RCC1L: variants seen among roughly 807,000 people sequenced by gnomAD.
The protein encoded by RCC1L is RCC1-like G exchanging factor-like protein.
In RCC1L, 46 loss-of-function variants were observed where a neutral mutation model predicts 58.6. The ratio of observed to expected loss-of-function variants is 0.79; its 90% CI spans 0.62 to 1.00. The LOEUF is 1.00. Among genes scored for constraint, RCC1L ranks in the 50% least tolerant of loss-of-function variants. The pLI is 0.00. For missense variants in RCC1L, 636 were observed against 623.6 expected (o/e 1.02, Z -0.21); for synonymous variants, 281 against 262.9 (o/e 1.07, Z -0.67).
Position 75,073,568 on chromosome 7 carries a change from CG to C in RCC1L, c.169del (p.Arg57AlafsTer133). The part of the protein sequence containing the change: ...VVQYVGERAA[R>X]ADRVFVWGFS... The stretch of plus-strand genomic sequence containing the variant: ...GCCCCACACGAAGACGCGATCGGCG[CG>C]GGCAGCGCGCTCGCCCACGTACTGG... On this transcript the variant is annotated frameshift_variant, in exon 1 of 11. Coordinates refer to ENST00000610322, the MANE Select transcript of RCC1L (RefSeq NM_030798.5). LOFTEE classifies it high-confidence loss of function. 1 of 1,510,196 alleles carries C rather than the reference CG, an allele frequency of 6.6e-7. No individual in the cohort carries two copies. 93.5% of individuals were successfully genotyped at this position (1,510,196 alleles called of 1,614,324 possible). A position where few individuals can be genotyped will look rare whatever the true frequency, so the allele number is the denominator to read the frequency against.
intron 4 of RCC1L, 122 bp from the exon 5 acceptor site, chr7:75,063,465 TA>T: frequency 9.4e-7 from 1 of 1,069,094 alleles, no homozygotes; most frequent in Non-Finnish European, 1.5e-6. Context: ...ACTGTTGGGG[TA>T]ACTCTCAAGG....
At chr7:75,031,310 A>AC (rs1417102429) in intron 10 of RCC1L, among the ~76,000 whole-genome samples, 1 of 152,132 alleles carries the variant, frequency 6.6e-6, no homozygotes, top group Non-Finnish European at 1.5e-5. Flanking sequence ...CAGCAGCAGC[A>AC]GCGGCGTTCC....
At chr7:75,059,432 G>A (rs906938767) in intron 6 of RCC1L, among the ~76,000 whole-genome samples, 1 of 151,578 alleles carries the variant, frequency 6.6e-6, no homozygotes, top group African/African-American at 2.4e-5. Flanking sequence ...CACCACAGCC[G>A]GCTAATTTTT....
At position 75,070,463 on chromosome 7, in the gene RCC1L, C is replaced by T. The variant is rs1041421659; in HGVS notation, c.454+177G>A. 1.3e-4 allele frequency among the ~76,000 whole-genome samples: 20 copies of T among 152,020 alleles called. 1 individual carries two copies. Among genetic ancestry groups the T allele is most frequent in the Admixed American group, 9.9e-4 (15 of 15,226 alleles). ...GCATGTGCCTGTAATCCCAGCTACT[C>T]GGGAGGCTGAGGCAGGAGAATCACT... On this transcript the variant is annotated intron_variant, in intron 2 of 10. Transcript: ENST00000610322.
chr7:75,028,115 AAT>A, intron 10 of RCC1L: 1 of 1,417,334 alleles, frequency 7.1e-7, no homozygotes, highest in Non-Finnish European at 9.2e-7. Context: ...TATGATGTGG[AAT>A]TTTTTTTTTT....
intron 10 of RCC1L, among the ~76,000 whole-genome samples, chr7:75,034,211 A>T (rs1446696344): frequency 1.3e-5 from 2 of 152,206 alleles, no homozygotes; most frequent in Non-Finnish European, 2.9e-5. Context: ...ATTGGAGGAC[A>T]GCCGAGAAAG....
At chr7:75,029,180 C>T (rs1337812814) in intron 10 of RCC1L, among the ~76,000 whole-genome samples, 1 of 152,186 alleles carries the variant, frequency 6.6e-6, no homozygotes, top group Non-Finnish European at 1.5e-5. Flanking sequence ...ACACAGGCCA[C>T]CTCCCACTGG....
At chr7:75,035,636 T>C (rs1805417522) in intron 10 of RCC1L, among the ~76,000 whole-genome samples, 1 of 151,862 alleles carries the variant, frequency 6.6e-6, no homozygotes, top group African/African-American at 2.4e-5. Flanking sequence ...TTATTTATAA[T>C]GGTCAAAAAG....
At chr7:75,060,053 C>T (rs888293008) in intron 6 of RCC1L, among the ~76,000 whole-genome samples, 7 of 152,158 alleles carry the variant, frequency 4.6e-5, no homozygotes, top group Admixed American at 6.5e-5. Context: ...TGAGCCACCG[C>T]GCCCGGCCCC....
rs1282521311 is a variant in RCC1L at position 75,064,589 on chromosome 7, T to C, written c.643A>G (p.Ile215Val). 7 of 1,613,710 alleles carry C rather than the reference T, an allele frequency of 4.3e-6. No individual in the cohort carries two copies. In the African/African-American group the frequency reaches 9.3e-5, roughly 22 times the overall value. Residue 215 changes from isoleucine to valine, a missense_variant, in exon 4 of 11, where the codon ATT becomes GTT. Physicochemically the swap from Ile to Val is conservative, Grantham distance 29. Coordinates refer to ENST00000610322, the MANE Select transcript of RCC1L (RefSeq NM_030798.5). ...QCGRKVVENE[I>V]YSESHRVHRM... ...GGCCTTTTAGGAACTCACCTGTAAA[T>C]TTCATTTTCGACCACCTTTCTTCCA... is the stretch of plus-strand genomic sequence containing the variant.
chr7:75,055,266 G>A (rs1554443743), intron 9 of RCC1L, among the ~76,000 whole-genome samples: 1 of 152,170 alleles, frequency 6.6e-6, no homozygotes, highest in Admixed American at 6.5e-5. Flanking sequence ...TAACTGTGGT[G>A]GAGTAAGAGA....
chr7:75,039,388 G>C (rs1002795868), downstream of RCC1L, among the ~76,000 whole-genome samples: 34 of 152,228 alleles, frequency 2.2e-4, no homozygotes, highest in African/African-American at 8.0e-4. Context: ...AGTCAGCGCA[G>C]AAGTATTTCC....
downstream of RCC1L, among the ~76,000 whole-genome samples, chr7:75,037,346 A>G (rs1805451311): frequency 6.6e-6 from 1 of 151,742 alleles, no homozygotes; most frequent in Non-Finnish European, 1.5e-5. Context: ...CAACATACCC[A>G]GCTAATTTTT....
intron 5 of RCC1L, 76 bp from the exon 6 acceptor site, chr7:75,061,367 G>C: frequency 6.9e-6 from 9 of 1,310,812 alleles, no homozygotes; most frequent in African/African-American, 1.5e-5. Context: ...AGAAGGACCA[G>C]CACCATCGCC....
downstream of RCC1L, among the ~76,000 whole-genome samples, chr7:75,040,986 G>A (rs1805544022): frequency 6.6e-6 from 1 of 152,074 alleles, no homozygotes; most frequent in Non-Finnish European, 1.5e-5. Flanking sequence ...GGGAGGCCAA[G>A]GTGAGCGGAT....
intron 2 of RCC1L, among the ~76,000 whole-genome samples, chr7:75,068,163 T>C (rs782159698): frequency 2.0e-5 from 3 of 149,644 alleles, no homozygotes; most frequent in African/African-American, 7.4e-5. Context: ...CTACTAAAAA[T>C]ACAAAATTAG....
intron 5 of RCC1L, 33 bp downstream of exon 5, chr7:75,063,259 C>T: frequency 1.2e-6 from 2 of 1,613,736 alleles, no homozygotes; most frequent in Admixed American, 1.7e-5. Context: ...ACCCCAGGAA[C>T]ACAACAAGCA....
At chr7:75,056,484 C>T (rs1806085616) in intron 8 of RCC1L, 1 of 1,469,454 alleles carries the variant, frequency 6.8e-7, no homozygotes, top group African/African-American at 1.4e-5. Context: ...CAATGTCTGG[C>T]CAGATTCTTA....
At chr7:75,035,612 T>G (rs1374472666) in intron 10 of RCC1L, among the ~76,000 whole-genome samples, 1 of 151,980 alleles carries the variant, frequency 6.6e-6, no homozygotes, top group South Asian at 2.1e-4. Flanking sequence ...AACTTATACA[T>G]GAATGTTTTG....
Sources: allele counts gnomAD v4.1 joint callset (sites outside exome capture counted in the v4.1 genomes callset), GRCh38; gene constraint gnomAD v4.1.1; transcripts MANE v1.5; gene names NCBI Gene and HGNC (gene_info 2026-07-23, HGNC 2026-07-21).